The following SUN2 variants were observed in gnomAD, a reference collection of about 807,000 sequenced individuals.
SUN2 encodes SUN domain-containing protein 2.
SUN2 carries 60 observed loss-of-function variants against 100.0 expected under a neutral mutation model. The ratio of observed to expected loss-of-function variants is 0.60; its 90% confidence interval spans 0.49 to 0.74. SUN2 has a LOEUF of 0.74. Ranked by LOEUF, SUN2 falls within the 30% of genes least tolerant of loss-of-function variation. The probability of loss-of-function intolerance (pLI) is 0.00; values close to 1 mark genes in which losing one functional copy is unlikely to be tolerated. For synonymous variants in SUN2, 367 were observed against 403.3 expected (o/e 0.91, Z 1.08); for missense variants, 834 against 954.6 (o/e 0.87, Z 1.66).
Position 38,740,854 on chromosome 22 carries a change from G to A in SUN2, c.1190+153C>T, listed in dbSNP as rs1194966984. 5 of 808,306 alleles carry A rather than the reference G, an allele frequency of 6.2e-6. No homozygotes were observed. Among genetic ancestry groups the A allele is most frequent in the Non-Finnish European group, 1.0e-5 (5 of 500,878 alleles). 50.1% of individuals were successfully genotyped at this position (808,306 alleles called of 1,614,324 possible). ...GCACCTCAAAGACAGGCCCTGGGCA[G>A]GGGTCCTGAGCTGGGTTTCAACCCC... On this transcript the variant is annotated intron_variant, in intron 11 of 17. Transcript: ENST00000689035. The surrounding 1 kb of genome is among the most constrained non-coding windows in gnomAD (Gnocchi z 4.8).
Position 38,736,224 on chromosome 22 carries a change from C to T in SUN2, c.*43G>A, listed in dbSNP as rs979124845. On this transcript the variant is annotated 3_prime_UTR_variant, in exon 18 of 18. Transcript: ENST00000689035. The stretch of plus-strand genomic sequence containing the variant: ...GTGGGGGAAGCGGCGGGGTGCTGTT[C>T]ACCCACTCCCAGATGGCTGGCAGCA... 15 of 1,573,838 alleles carry T rather than the reference C, an allele frequency of 9.5e-6. No individual in the cohort carries two copies. Among genetic ancestry groups the T allele is most frequent in the Non-Finnish European group, 1.3e-5 (15 of 1,147,576 alleles).
chr22:38,751,219 C>T lies in SUN2; in HGVS notation c.277G>A (p.Ala93Thr), dbSNP rs142753729. ...RSSLEELHGD[A>T]NWGEDLRVRR... ...AGGGCTCCACACTCACCCCAGTTGG[C>T]GTCACCATGCAGTTCCTCCAGGGAG... Residue 93 changes from alanine (A) to threonine (T), a missense_variant, in exon 3 of 18, where the codon GCC (alanine) becomes ACC (threonine). Ala to Thr is a moderately conservative substitution (Grantham distance 58). This residue lies in a region of SUN2 where 559 missense variants were observed against 597.7 expected (regional missense o/e 0.94). Transcript: ENST00000689035. 20 of 1,612,160 alleles carry T rather than the reference C, an allele frequency of 1.2e-5. No individual in the cohort carries two copies. The highest frequency in any genetic ancestry group is 1.1e-4 in the African/African-American group (8 of 74,898).
At position 38,738,689 on chromosome 22, in the gene SUN2, G is replaced by C. The variant is rs754222787; in HGVS notation, c.1845C>G (p.Leu615=). The C allele has an allele frequency of 6.2e-7, 1 of 1,613,836 alleles. No homozygotes were observed. Among genetic ancestry groups the C allele is most frequent in the Non-Finnish European group, 8.5e-7 (1 of 1,180,028 alleles). ...CGGCTGTGGGGCGGATGCGGGCAGA[G>C]AGGCGGACCACGGCGAAGCCTTGTG... ...QGPQGFAVVR[L]SARIRPTAVT... The change falls in exon 16 of 18, where the codon CTC becomes CTG. Residue 615 remains leucine, a synonymous_variant. Coordinates refer to ENST00000689035, the MANE Select transcript of SUN2 (RefSeq NM_015374.3). This position sits in a 1 kb window ranked among gnomAD's most constrained non-coding sequence, Gnocchi z 6.6.
chr22:38,737,350 A>G lies in SUN2; in HGVS notation c.2040+823T>C, dbSNP rs2092814772. Among the ~76,000 whole-genome samples, 2 of 151,776 alleles carry G rather than the reference A, an allele frequency of 1.3e-5. No homozygotes were observed. The highest frequency in any genetic ancestry group is 4.2e-4 in the South Asian group (2 of 4,808). ...TTCCTCCCACCCCATCCAACTGGAC[A>G]TTCACGACCCTCCCTGCTACGTCTT... On this transcript the variant is annotated intron_variant, in intron 17 of 17. Coordinates refer to ENST00000689035, the MANE Select transcript of SUN2 (RefSeq NM_015374.3). This position sits in a 1 kb window ranked among gnomAD's most constrained non-coding sequence, Gnocchi z 4.1.
Position 38,736,398 on chromosome 22 carries a change from G to T in SUN2, c.2041-18C>A. 1 of 1,600,250 alleles carries T rather than the reference G, an allele frequency of 6.2e-7. No homozygotes were observed. ...GTAGGGGCCTGGGTAGAGAAGAAAG[G>T]GATTAAGAGCATCAGAGACCTGTGA... On this transcript the variant is annotated intron_variant, in intron 17 of 17. Coordinates refer to ENST00000689035, the MANE Select transcript of SUN2 (RefSeq NM_015374.3).
chr22:38,741,920 C>T (rs1236813808), intron 9 of SUN2, among the ~76,000 whole-genome samples: 2 of 151,854 alleles, frequency 1.3e-5, no homozygotes, highest in African/African-American at 4.8e-5. Context: ...GCAGGCAGAT[C>T]ACTAGAGGTC....
intron 7 of SUN2, among the ~76,000 whole-genome samples, chr22:38,748,448 G>A (rs2092920304): frequency 6.6e-6 from 1 of 152,246 alleles, no homozygotes; most frequent in African/African-American, 2.4e-5. Context: ...AGTGGAAGGA[G>A]GATGACTGCT....
Position 38,737,453 on chromosome 22 carries a change from C to T in SUN2, c.2040+720G>A, listed in dbSNP as rs1485976956. On this transcript the variant is annotated intron_variant, in intron 17 of 17. Coordinates refer to ENST00000689035, the MANE Select transcript of SUN2 (RefSeq NM_015374.3). The surrounding 1 kb of genome is among the most constrained non-coding windows in gnomAD (Gnocchi z 4.1). ...CCCTCAACCACTTCCTGACGGGTCTCCCAGGCCCAGGCTCGCCCCTTCGAG... is the reference window on the plus strand; with the variant it reads ...CCCTCAACCACTTCCTGACGGGTCTTCCAGGCCCAGGCTCGCCCCTTCGAG... 6.6e-6 allele frequency among the ~76,000 whole-genome samples: 1 copy of T among 152,190 alleles called. No homozygotes were observed. Among genetic ancestry groups the T allele is most frequent in the Non-Finnish European group, 1.5e-5 (1 of 68,032 alleles).
chr22:38,737,845 C>T lies in SUN2; in HGVS notation c.2040+328G>A, dbSNP rs775371358. 18 of 534,758 alleles carry T rather than the reference C, an allele frequency of 3.4e-5. No individual in the cohort carries two copies. The highest frequency in any genetic ancestry group is 6.6e-5 in the Non-Finnish European group (18 of 272,544). The allele number at this position is 534,758 out of a possible 1,614,324, so 33.1% of individuals were successfully genotyped here. On this transcript the variant is annotated intron_variant, in intron 17 of 17. Coordinates refer to ENST00000689035, the MANE Select transcript of SUN2 (RefSeq NM_015374.3). The surrounding 1 kb of genome is among the most constrained non-coding windows in gnomAD (Gnocchi z 4.1). ...AGCTGGCCATGGTAGAATGCCCGCGCCCTGGCATGTGCTGGCGGCGGCTCC... is the reference window on the plus strand; with the variant it reads ...AGCTGGCCATGGTAGAATGCCCGCGTCCTGGCATGTGCTGGCGGCGGCTCC...
Position 38,739,309 on chromosome 22 carries a change from G to A in SUN2, c.1663+33C>T, listed in dbSNP as rs781200998. On this transcript the variant is annotated intron_variant, in intron 14 of 17. Transcript: ENST00000689035. The surrounding 1 kb of genome is among the most constrained non-coding windows in gnomAD (Gnocchi z 6.7). Reference sequence around the variant, plus strand: ...GGGGACCGGCCATTGCGGGGTCCAGGACAAGGCAGAGCGAGGAAAGCAGAG... The same window carrying A: ...GGGGACCGGCCATTGCGGGGTCCAGAACAAGGCAGAGCGAGGAAAGCAGAG... 3.7e-6 allele frequency: 6 copies of A among 1,609,574 alleles called. No individual in the cohort carries two copies. The highest frequency in any genetic ancestry group is 1.1e-5 in the South Asian group (1 of 91,038).
intron 2 of SUN2, among the ~76,000 whole-genome samples, chr22:38,752,293 C>T (rs1051995397): frequency 6.6e-6 from 1 of 152,222 alleles, no homozygotes; most frequent in African/African-American, 2.4e-5. Context: ...GGCAGCAGCC[C>T]CGGCTCACAG....
Position 38,736,596 on chromosome 22 carries a change from A to T in SUN2, c.2041-216T>A, listed in dbSNP as rs138702. ...TAAGGGGCCACCTGTAGCACACTTCATCTGAAACCGGAATGAATTCATCCA... is the reference window on the plus strand; with the variant it reads ...TAAGGGGCCACCTGTAGCACACTTCTTCTGAAACCGGAATGAATTCATCCA... On this transcript the variant is annotated intron_variant, in intron 17 of 17. Transcript: ENST00000689035. The T allele has an allele frequency of 0.3, 122,038 of 401,702 alleles. 19,501 individuals are homozygous for T. Among genetic ancestry groups the T allele is most frequent in the East Asian group, 0.49 (12,943 of 26,352 alleles). 24.9% of individuals were successfully genotyped at this position (401,702 alleles called of 1,614,324 possible). A position where few individuals can be genotyped will look rare whatever the true frequency, so the allele number is the denominator to read the frequency against.
chr22:38,739,992 A>G lies in SUN2; in HGVS notation c.1357-49T>C. The stretch of plus-strand genomic sequence containing the variant: ...ACCCTGGGGGGCTTGCAGGGACAGC[A>G]GGAGCTGCTATGACAGGGCTAGTGC... On this transcript the variant is annotated intron_variant, in intron 12 of 17. Transcript: ENST00000689035. This position sits in a 1 kb window ranked among gnomAD's most constrained non-coding sequence, Gnocchi z 6.7. The G allele has an allele frequency of 1.9e-6, 3 of 1,575,972 alleles. No homozygotes were observed. In the South Asian group the frequency reaches 3.3e-5, roughly 18 times the overall value.
rs1470137902 is a variant in SUN2 at position 38,751,299 on chromosome 22, T to G, written c.197A>C (p.His66Pro). The change falls in exon 3 of 18, where the codon CAC becomes CCC. Residue 66 changes from histidine to proline, a missense_variant. Physicochemically the swap from His to Pro is moderately conservative, Grantham distance 77. Transcript: ENST00000689035. ...CAGCGACTCACTGTAGTAGGAGGTG[T>G]GTGCATCAGAGGACGGGCCCAGCTG... ...APQLGPSSDA[H>P]TSYYSESLVH... 1 of 1,613,924 alleles carries G rather than the reference T, an allele frequency of 6.2e-7. No individual in the cohort carries two copies. Among genetic ancestry groups the G allele is most frequent in the Non-Finnish European group, 8.5e-7 (1 of 1,180,008 alleles).
intron 8 of SUN2, 117 bp downstream of exon 8, chr22:38,745,567 A>G: frequency 7.4e-7 from 1 of 1,351,034 alleles, no homozygotes; most frequent in Non-Finnish European, 1.0e-6. Flanking sequence ...GATGGCAACT[A>G]ACAGTACGCC....
rs777019385 is a variant in SUN2 at position 38,751,081 on chromosome 22, C to T, written c.287-46G>A. On this transcript the variant is annotated intron_variant, in intron 3 of 17. Coordinates refer to ENST00000689035, the MANE Select transcript of SUN2 (RefSeq NM_015374.3). The stretch of plus-strand genomic sequence containing the variant: ...GGCTCTTCTGGGCCTCCAAGAGCTT[C>T]TGAAAAGTGGGGTCTGGGCAGAGAG... The T allele has an allele frequency of 4.3e-6, 7 of 1,609,518 alleles. No homozygotes were observed. The South Asian group carries it at 6.6e-5, about 15-fold the overall frequency.
At chr22:38,751,416 G>A (rs779500055) in intron 2 of SUN2, 43 bp from the exon 3 acceptor site, 1 of 1,606,008 alleles carries the variant, frequency 6.2e-7, no homozygotes, top group South Asian at 1.1e-5. Context: ...GCAGGGAGGT[G>A]AGCCCAGCCA....
At chr22:38,744,828 C>T (rs2092890009) in intron 8 of SUN2, among the ~76,000 whole-genome samples, 1 of 152,220 alleles carries the variant, frequency 6.6e-6, no homozygotes, top group South Asian at 2.1e-4. Flanking sequence ...TTGTCAGTAT[C>T]AGTACCTGTG....
chr22:38,742,503 G>A lies in SUN2; in HGVS notation c.866C>T (p.Ala289Val), dbSNP rs767225986. ...RVHSLERRLEALAAEFSSNWQ... is the reference protein window; with the variant it reads ...RVHSLERRLEVLAAEFSSNWQ... ...GTTGGAGGAAAATTCAGCAGCAAGA[G>A]CTTCCAGACGCCGCTCCAGAGAGTG... Residue 289 changes from alanine to valine, a missense_variant, in exon 9 of 18, where the codon GCT becomes GTT. By Grantham distance (64) the Ala-to-Val change is moderately conservative (BLOSUM62 0). Coordinates refer to ENST00000689035, the MANE Select transcript of SUN2 (RefSeq NM_015374.3). The A allele has an allele frequency of 6.2e-7, 1 of 1,613,438 alleles. No individual in the cohort carries two copies. The highest frequency in any genetic ancestry group is 2.2e-5 in the East Asian group (1 of 44,872).
Sources: gnomAD v4.1 joint callset for allele counts (sites outside exome capture counted in the v4.1 genomes callset) on GRCh38, gnomAD v4.1.1 for gene constraint, gnomAD v4.1.1 regional missense constraint, Gnocchi (gnomAD v3.1) non-coding constraint, MANE v1.5 for transcripts, NCBI Gene and HGNC (gene_info 2026-07-23, HGNC 2026-07-21) for gene names.